The following RHOJ variants were observed in gnomAD, a reference collection of about 807,000 sequenced individuals.
RHOJ encodes ras homolog family member J.
In RHOJ, 11 loss-of-function variants were observed where a neutral mutation model predicts 23.4. That is an observed-to-expected ratio of 0.47 (90% CI 0.30 to 0.78). The LOEUF is 0.78. RHOJ is among the 30% of genes least tolerant of loss of function. RHOJ has a pLI of 0.08. For missense variants in RHOJ, 254 were observed against 273.4 expected, an observed-to-expected ratio of 0.93 and a Z score of 0.50; for synonymous variants, 102 against 102.7, an observed-to-expected ratio of 0.99 and a Z score of 0.04.
intron 2 of RHOJ, among the ~76,000 whole-genome samples, chr14:63,278,087 C>A (rs1881790534): frequency 6.6e-6 from 1 of 152,122 alleles, no homozygotes; most frequent in Non-Finnish European, 1.5e-5. Context: ...GCTGTGCACC[C>A]AACTCCCAAT....
intron 1 of RHOJ, among the ~76,000 whole-genome samples, chr14:63,250,103 A>G (rs1594765374): frequency 6.6e-6 from 1 of 152,168 alleles, no homozygotes; most frequent in Non-Finnish European, 1.5e-5. Flanking sequence ...TACTGCTACC[A>G]CCTGGTCTAA....
chr14:63,222,065 C>T (rs1381456429), intron 1 of RHOJ, among the ~76,000 whole-genome samples: 1 of 148,328 alleles, frequency 6.7e-6, no homozygotes, highest in Non-Finnish European at 1.5e-5. Flanking sequence ...TGAGTGAGAA[C>T]ATGCGGTGTT....
intron 2 of RHOJ, among the ~76,000 whole-genome samples, chr14:63,273,942 G>A (rs2139658809): frequency 1.3e-5 from 2 of 152,372 alleles, no homozygotes; most frequent in Middle Eastern, 3.4e-3. Flanking sequence ...ACAGCCCACA[G>A]CAGCTCAGCT....
intron 1 of RHOJ, among the ~76,000 whole-genome samples, chr14:63,264,993 T>G (rs548963195): frequency 6.6e-6 from 1 of 152,298 alleles, no homozygotes; most frequent in African/African-American, 2.4e-5. Flanking sequence ...TTGTTTTGTT[T>G]TGTTTTTGTT....
At chr14:63,231,588 T>A (rs949955533) in intron 1 of RHOJ, among the ~76,000 whole-genome samples, 9 of 152,200 alleles carry the variant, frequency 5.9e-5, no homozygotes, top group African/African-American at 2.2e-4. Context: ...ATGCACAAAT[T>A]AAACACTCAG....
intron 1 of RHOJ, among the ~76,000 whole-genome samples, chr14:63,254,629 T>C (rs1895130461): frequency 6.6e-6 from 1 of 152,026 alleles, no homozygotes; most frequent in Non-Finnish European, 1.5e-5. Flanking sequence ...TAGATTTTAG[T>C]CAAGGAGAAG....
chr14:63,236,978 G>A (rs1349544931), intron 1 of RHOJ, among the ~76,000 whole-genome samples: 1 of 152,116 alleles, frequency 6.6e-6, no homozygotes, highest in African/African-American at 2.4e-5. Flanking sequence ...TATGCAAATA[G>A]TTGTTATACT....
rs553847776 is a variant in RHOJ at position 63,238,348 on chromosome 14, A to G, written c.179-30762A>G. Among the ~76,000 whole-genome samples, 282 of 152,332 alleles carry G rather than the reference A, an allele frequency of 1.9e-3. 3 individuals are homozygous for G. The highest frequency in any genetic ancestry group is 6.6e-3 in the African/African-American group (273 of 41,584). On this transcript the variant is annotated intron_variant, in intron 1 of 4. Transcript: ENST00000316754. ...AACTGTTGAAGCAACAGTCATCATCAGCATGGTATAAAACTAGCTTTTCAA... is the reference window on the plus strand; with the variant it reads ...AACTGTTGAAGCAACAGTCATCATCGGCATGGTATAAAACTAGCTTTTCAA...
At chr14:63,232,694 CTTTTTTTTT>C (rs373918863) in intron 1 of RHOJ, among the ~76,000 whole-genome samples, 14 of 115,636 alleles carry the variant, frequency 1.2e-4, no homozygotes, top group Admixed American at 3.5e-4. Flanking sequence ...TTTTTCTTGC[CTTTTTTTTT>C]TTTTTTTTTT....
intron 1 of RHOJ, among the ~76,000 whole-genome samples, chr14:63,219,879 C>T (rs1345179536): frequency 6.6e-6 from 1 of 151,812 alleles, no homozygotes; most frequent in African/African-American, 2.4e-5. Context: ...TGAATTTCTA[C>T]ATGAAGGGGA....
At chr14:63,222,869 C>T (rs139523521) in intron 1 of RHOJ, among the ~76,000 whole-genome samples, 397 of 152,242 alleles carry the variant, frequency 2.6e-3, no homozygotes, top group Middle Eastern at 6.8e-3. Flanking sequence ...GTTGCCATTG[C>T]TTTTGGTGTT....
intron 2 of RHOJ, among the ~76,000 whole-genome samples, chr14:63,269,594 G>C (rs1315637151): frequency 1.3e-5 from 2 of 152,082 alleles, no homozygotes. Context: ...GGCCCAAAAA[G>C]AGATTGGTGG....
At chr14:63,254,755 A>C (rs1035798390) in intron 1 of RHOJ, among the ~76,000 whole-genome samples, 1 of 152,150 alleles carries the variant, frequency 6.6e-6, no homozygotes, top group African/African-American at 2.4e-5. Flanking sequence ...CCATGCCCAC[A>C]CAGGCTGCCA....
chr14:63,267,235 G>A (rs1432201851), intron 1 of RHOJ, among the ~76,000 whole-genome samples: 1 of 152,216 alleles, frequency 6.6e-6, no homozygotes, highest in Non-Finnish European at 1.5e-5. Context: ...GATCAAAGCT[G>A]CCATAGGAGA....
chr14:63,280,624 A>G (rs1881867686), intron 2 of RHOJ, among the ~76,000 whole-genome samples: 1 of 152,226 alleles, frequency 6.6e-6, no homozygotes, highest in Non-Finnish European at 1.5e-5. Context: ...TATATCAAAC[A>G]CCATGTTGTA....
Position 63,280,987 on chromosome 14 carries a change from T to C in RHOJ, c.254T>C (p.Leu85Pro). Residue 85 changes from leucine to proline, a missense_variant, in exon 3 of 5, where the codon CTG (leucine) becomes CCG (proline). Coordinates refer to ENST00000316754, the MANE Select transcript of RHOJ (RefSeq NM_020663.5). ...TTCCCACAGGAGGACTACAACCAGC[T>C]GAGGCCACTCTCCTACCCCAACACG... Reference protein sequence around the residue: ...DTAGQEDYNQLRPLSYPNTDV... With the variant: ...DTAGQEDYNQPRPLSYPNTDV... 6.2e-7 allele frequency: 1 copy of C among 1,613,470 alleles called. No individual in the cohort carries two copies. The highest frequency in any genetic ancestry group is 8.5e-7 in the Non-Finnish European group (1 of 1,179,638).
intron 3 of RHOJ, among the ~76,000 whole-genome samples, chr14:63,282,461 C>T (rs900758025): frequency 6.6e-6 from 1 of 152,118 alleles, no homozygotes; most frequent in Non-Finnish European, 1.5e-5. Context: ...GGCTTTAAAG[C>T]AACCAAAATA....
At chr14:63,246,126 C>A (rs193038538) in intron 1 of RHOJ, among the ~76,000 whole-genome samples, 1 of 152,252 alleles carries the variant, frequency 6.6e-6, no homozygotes, top group East Asian at 1.9e-4. Flanking sequence ...GGGCACAACC[C>A]CATGTCTGGT....
At chr14:63,228,824 T>C (rs990905428) in intron 1 of RHOJ, among the ~76,000 whole-genome samples, 3 of 152,210 alleles carry the variant, frequency 2.0e-5, no homozygotes, top group Admixed American at 6.5e-5. Context: ...CTCATGAATG[T>C]TATTATGCAT....
Sources: allele counts gnomAD v4.1 joint callset (sites outside exome capture counted in the v4.1 genomes callset), GRCh38; gene constraint gnomAD v4.1.1; transcripts MANE v1.5; gene names NCBI Gene and HGNC (gene_info 2026-07-23, HGNC 2026-07-21).